Variants in ITPKC observed in about 807,000 individuals in gnomAD.
ITPKC encodes the protein IP3 3-kinase C.
A neutral mutation model predicts 67.1 loss-of-function variants in ITPKC; 33 were observed. That is an observed-to-expected ratio of 0.49 (90% CI 0.37 to 0.66). The LOEUF (loss-of-function observed/expected upper bound fraction) is 0.66, where lower values mean the gene tolerates loss of function less well. Among genes scored for constraint, ITPKC ranks in the 30% least tolerant of loss-of-function variants. The probability of loss-of-function intolerance (pLI) is 0.00; values close to 1 mark genes in which losing one functional copy is unlikely to be tolerated. For missense variants in ITPKC, 820 were observed against 892.1 expected, an observed-to-expected ratio of 0.92 and a Z score of 1.03; for synonymous variants, 341 against 359.8, an observed-to-expected ratio of 0.95 and a Z score of 0.59.
chr19:40,731,832 G>A (rs960794245), intron 3 of ITPKC, among the ~76,000 whole-genome samples: 2 of 152,174 alleles, frequency 1.3e-5, no homozygotes, highest in African/African-American at 4.8e-5. Flanking sequence ...CAGTCAGGAA[G>A]GTGGGGAAAG....
chr19:40,723,031 G>A (rs981657284), intron 1 of ITPKC, among the ~76,000 whole-genome samples: 6 of 151,802 alleles, frequency 4.0e-5, no homozygotes, highest in East Asian at 1.9e-4. Flanking sequence ...GCACAATCTC[G>A]GCTCACTGCA....
intron 3 of ITPKC, among the ~76,000 whole-genome samples, chr19:40,730,334 GACACACAC>G (rs894746487): frequency 4.6e-5 from 7 of 151,482 alleles, no homozygotes; most frequent in African/African-American, 1.7e-4. Context: ...CACACACACA[GACACACAC>G]ACACAGACAC....
chr19:40,724,210 C>A (rs148554298), intron 1 of ITPKC, among the ~76,000 whole-genome samples: 2,683 of 152,198 alleles, frequency 0.018, 67 homozygotes, highest in African/African-American at 0.06. Context: ...AGTTCAAGAC[C>A]AGCCTGGGCA....
chr19:40,719,293 G>T (rs2082209870), intron 1 of ITPKC, among the ~76,000 whole-genome samples: 2 of 152,002 alleles, frequency 1.3e-5, no homozygotes, highest in Non-Finnish European at 2.9e-5. Flanking sequence ...ACCCTCCTGG[G>T]CCCCATTGCT....
At position 40,717,556 on chromosome 19, in the gene ITPKC, G is replaced by T; in HGVS notation, c.421G>T (p.Gly141Trp). 1 of 1,614,184 alleles carries T rather than the reference G, an allele frequency of 6.2e-7. No homozygotes were observed. The change falls in exon 1 of 7, where the codon GGG becomes TGG. Residue 141 changes from glycine to tryptophan, a missense_variant. Gly to Trp is a radical substitution (Grantham distance 184). This residue lies in a region of ITPKC where 481 missense variants were observed against 470.1 expected (regional missense o/e 1.02). Transcript: ENST00000263370. ...LETTCLWTETGTDGLWTDPHR... is the reference protein window; with the variant it reads ...LETTCLWTETWTDGLWTDPHR... ...GACGACTTGTCTTTGGACGGAGACC[G>T]GGACAGATGGCCTTTGGACTGATCC...
intron 1 of ITPKC, among the ~76,000 whole-genome samples, chr19:40,719,803 A>G (rs1006439940): frequency 5.3e-5 from 8 of 152,150 alleles, no homozygotes; most frequent in African/African-American, 1.9e-4. Flanking sequence ...GGTAGATACT[A>G]TTATTATCCC....
intron 1 of ITPKC, among the ~76,000 whole-genome samples, chr19:40,724,138 T>C (rs913785746): frequency 6.6e-5 from 10 of 152,222 alleles, no homozygotes; most frequent in African/African-American, 2.4e-4. Context: ...CCAGGTGTGG[T>C]GGCTCACACC....
rs920150179 is a variant in ITPKC at position 40,717,502 on chromosome 19, C to T, written c.367C>T (p.His123Tyr). Reference sequence around the variant, plus strand: ...GCCAGACAGGTCCAGCCTCCGGACGCATCTAGAATGGAGCTGGTCAGAGCT... The same window carrying T: ...GCCAGACAGGTCCAGCCTCCGGACGTATCTAGAATGGAGCTGGTCAGAGCT... ...TEPDRSSLRT[H>Y]LEWSWSELET... is the part of the protein sequence containing the mutation. Residue 123 changes from histidine (H) to tyrosine (Y), a missense_variant, in exon 1 of 7, where the codon CAT (histidine) becomes TAT (tyrosine). Around this residue, in one of 2 missense-constraint regions of ITPKC, gnomAD observed 481 missense variants for 470.1 expected, o/e 1.02. Coordinates refer to ENST00000263370, the MANE Select transcript of ITPKC (RefSeq NM_025194.3). 1 of 1,614,018 alleles carries T rather than the reference C, an allele frequency of 6.2e-7. No homozygotes were observed. The highest frequency in any genetic ancestry group is 8.5e-7 in the Non-Finnish European group (1 of 1,180,008).
Position 40,718,030 on chromosome 19 carries a change from G to C in ITPKC, c.895G>C (p.Glu299Gln). ...PGTDCLLGEP[E>Q]DGPLEEPEPG... ...GACAGACTGCCTCTTGGGAGAGCCT[G>C]AGGATGGCCCATTAGAGGAACCAGA... The change falls in exon 1 of 7, where the codon GAG becomes CAG. Residue 299 changes from glutamate to glutamine, a missense_variant. Transcript: ENST00000263370. 1 of 1,614,162 alleles carries C rather than the reference G, an allele frequency of 6.2e-7. No homozygotes were observed. Among genetic ancestry groups the C allele is most frequent in the Non-Finnish European group, 8.5e-7 (1 of 1,180,020 alleles).
At chr19:40,736,965 C>G in intron 4 of ITPKC, 21 bp from the exon 5 acceptor site, 1 of 1,512,676 alleles carries the variant, frequency 6.6e-7, no homozygotes, top group Non-Finnish European at 9.0e-7. Context: ...TGACCCTGCC[C>G]CTCCACACCC....
intron 2 of ITPKC, among the ~76,000 whole-genome samples, chr19:40,726,933 T>A (rs1276349595): frequency 6.6e-6 from 1 of 151,956 alleles, no homozygotes; most frequent in Non-Finnish European, 1.5e-5. Flanking sequence ...TCCCAGGTAC[T>A]TGGGAGCTGA....
At chr19:40,733,583 T>C (rs2082281813) in intron 4 of ITPKC, among the ~76,000 whole-genome samples, 1 of 152,170 alleles carries the variant, frequency 6.6e-6, no homozygotes, top group African/African-American at 2.4e-5. Context: ...TTTCCTCCTC[T>C]CCTTCTCCAT....
In ITPKC at chr19:40,740,854, G is replaced by T; in HGVS notation, c.*1294G>T. ...AACACCCCAATAAACAGAACATTCAGAGCCAATGTCGTAGAGCTTTTTATT... is the reference window on the plus strand; with the variant it reads ...AACACCCCAATAAACAGAACATTCATAGCCAATGTCGTAGAGCTTTTTATT... On this transcript the variant is annotated 3_prime_UTR_variant, in exon 7 of 7. Coordinates refer to ENST00000263370, the MANE Select transcript of ITPKC (RefSeq NM_025194.3). The T allele has an allele frequency of 2.5e-6, 1 of 397,564 alleles. No individual in the cohort carries two copies. Among genetic ancestry groups the T allele is most frequent in the South Asian group, 1.3e-4 (1 of 7,630 alleles). The allele number at this position is 397,564 out of a possible 1,614,324, so 24.6% of individuals were successfully genotyped here.
chr19:40,723,542 G>A (rs2082232387), intron 1 of ITPKC, among the ~76,000 whole-genome samples: 1 of 151,440 alleles, frequency 6.6e-6, no homozygotes, highest in African/African-American at 2.4e-5. Flanking sequence ...TGTCGCCCAG[G>A]CTGGAGTGCA....
intron 1 of ITPKC, among the ~76,000 whole-genome samples, chr19:40,722,530 G>A (rs937079951): frequency 8.0e-6 from 1 of 124,684 alleles, no homozygotes; most frequent in Non-Finnish European, 1.6e-5. Flanking sequence ...CTGAGGGGGC[G>A]GGAGAGATGA....
chr19:40,717,949 G>A lies in ITPKC; in HGVS notation c.814G>A (p.Asp272Asn). 6.2e-7 allele frequency: 1 copy of A among 1,614,120 alleles called. No individual in the cohort carries two copies. The highest frequency in any genetic ancestry group is 8.5e-7 in the Non-Finnish European group (1 of 1,180,012). ...PGTGGFQIQQ[D>N]TDGSWTQPST... ...CACTGGTGGTTTCCAAATACAACAG[G>A]ATACTGATGGCTCCTGGACACAACC... The change falls in exon 1 of 7, where the codon GAT (aspartate) becomes AAT (asparagine). Residue 272 changes from aspartate (D) to asparagine (N), a missense_variant. Physicochemically the swap from Asp to Asn is conservative, Grantham distance 23. This residue lies in a region of ITPKC where 481 missense variants were observed against 470.1 expected (regional missense o/e 1.02). Transcript: ENST00000263370.
intron 3 of ITPKC, among the ~76,000 whole-genome samples, chr19:40,729,743 G>A (rs1265472749): frequency 6.6e-6 from 1 of 151,898 alleles, no homozygotes; most frequent in Non-Finnish European, 1.5e-5. Context: ...CTCCAGCCTG[G>A]GCAACAAGAG....
intron 5 of ITPKC, 26 bp downstream of exon 5, chr19:40,737,113 A>G (rs2082298301): frequency 1.4e-6 from 2 of 1,400,294 alleles, no homozygotes; most frequent in South Asian, 2.5e-5. Context: ...ATGTCCCAGA[A>G]TGTAGCAGCT....
Position 40,733,369 on chromosome 19 carries a change from G to T in ITPKC, c.1674+5G>T, listed in dbSNP as rs2082280729. Reference sequence around the variant, plus strand: ...TTCCGGATCGAGGGCATCAAGGTGAGGACCAGGAACCGCCTGGCCTGTCCC... The same window carrying T: ...TTCCGGATCGAGGGCATCAAGGTGATGACCAGGAACCGCCTGGCCTGTCCC... On this transcript the variant is annotated splice_donor_5th_base_variant and intron_variant, in intron 4 of 6. Transcript: ENST00000263370. The T allele has an allele frequency of 6.2e-7, 1 of 1,604,336 alleles. No individual in the cohort carries two copies. The highest frequency in any genetic ancestry group is 1.3e-5 in the African/African-American group (1 of 74,774).
Sources: gnomAD v4.1 joint callset for allele counts (sites outside exome capture counted in the v4.1 genomes callset) on GRCh38, gnomAD v4.1.1 for gene constraint, gnomAD v4.1.1 regional missense constraint, MANE v1.5 for transcripts, NCBI Gene and HGNC (gene_info 2026-07-23, HGNC 2026-07-21) for gene names.